KATNAL2: variants seen among roughly 807,000 people sequenced by gnomAD.
The protein encoded by KATNAL2 is katanin p60 ATPase-containing subunit A-like 2.
Under a neutral mutation model 76.3 loss-of-function variants are expected in KATNAL2, and 52 were observed. The observed-to-expected ratio is 0.68, with a 90% CI of 0.55 to 0.86. KATNAL2 has a LOEUF of 0.86. Among genes scored for constraint, KATNAL2 ranks in the 40% least tolerant of loss-of-function variants. The probability of loss-of-function intolerance (pLI) is 0.00; values close to 1 mark genes in which losing one functional copy is unlikely to be tolerated. For synonymous variants in KATNAL2, 243 were observed against 244.2 expected (o/e 1.00, Z 0.05); for missense variants, 660 against 668.9 (o/e 0.99, Z 0.15).
At chr18:46,935,009 G>T (rs1247592295) in intron 1 of KATNAL2, among the ~76,000 whole-genome samples, 5 of 152,048 alleles carry the variant, frequency 3.3e-5, no homozygotes, top group Non-Finnish European at 5.9e-5. Flanking sequence ...CTCAAAAAAT[G>T]ACCAGTATTT....
intron 15 of KATNAL2, among the ~76,000 whole-genome samples, chr18:47,097,097 CA>C (rs1261296647): frequency 8.4e-6 from 1 of 118,450 alleles, no homozygotes; most frequent in Non-Finnish European, 1.7e-5. Context: ...CCAGCCTGGG[CA>C]ACAGAGGAAG....
chr18:47,079,336 T>A (rs1291990810), intron 15 of KATNAL2, among the ~76,000 whole-genome samples: 7 of 152,186 alleles, frequency 4.6e-5, no homozygotes, highest in Admixed American at 4.6e-4. Flanking sequence ...CCAAACAAGG[T>A]TTGCACTTTG....
intron 3 of KATNAL2, chr18:47,032,684 A>T: frequency 2.4e-6 from 1 of 420,166 alleles, no homozygotes; most frequent in East Asian, 4.6e-5. Flanking sequence ...GAAAGGAAAA[A>T]GGAAATCTCA....
chr18:47,031,947 C>G (rs899875862), intron 3 of KATNAL2, among the ~76,000 whole-genome samples: 1 of 152,146 alleles, frequency 6.6e-6, no homozygotes, highest in Non-Finnish European at 1.5e-5. Flanking sequence ...CCGTGTGAGG[C>G]CAACAAATGC....
At chr18:47,083,441 G>A (rs1472016765) in intron 15 of KATNAL2, among the ~76,000 whole-genome samples, 3 of 152,128 alleles carry the variant, frequency 2.0e-5, no homozygotes, top group African/African-American at 4.8e-5. Flanking sequence ...TGCATCGTCC[G>A]GGGCACTAGG....
chr18:47,042,608 A>T (rs2060999504), intron 3 of KATNAL2, among the ~76,000 whole-genome samples: 1 of 152,194 alleles, frequency 6.6e-6, no homozygotes, highest in Admixed American at 6.5e-5. Context: ...AAGCTCCTGG[A>T]AATTAAAAAT....
At chr18:47,076,535 A>G (rs1411251383) in intron 14 of KATNAL2, 2 of 152,112 alleles carry the variant, frequency 1.3e-5, no homozygotes, top group African/African-American at 4.8e-5. Context: ...CACAACCTTC[A>G]TCGAGCTAAT....
intron 10 of KATNAL2, among the ~76,000 whole-genome samples, chr18:47,066,040 G>C (rs2061782315): frequency 6.6e-6 from 1 of 151,568 alleles, no homozygotes. Context: ...ACCTCCTATG[G>C]TGGAGGGAAC....
chr18:47,036,828 T>C (rs1049202730), intron 3 of KATNAL2, among the ~76,000 whole-genome samples: 3 of 152,250 alleles, frequency 2.0e-5, no homozygotes, highest in Non-Finnish European at 4.4e-5. Flanking sequence ...TTAAATTCAA[T>C]AAATGTCTTT....
intron 1 of KATNAL2, among the ~76,000 whole-genome samples, chr18:46,937,978 C>T (rs534808173): frequency 6.6e-6 from 1 of 152,072 alleles, no homozygotes; most frequent in Non-Finnish European, 1.5e-5. Flanking sequence ...CACCTGTAGT[C>T]CCAGCTAATT....
chr18:46,932,203 G>T (rs1227058031), intron 1 of KATNAL2, among the ~76,000 whole-genome samples: 2 of 151,914 alleles, frequency 1.3e-5, no homozygotes, highest in Admixed American at 1.3e-4. Flanking sequence ...GAGCCACCAC[G>T]CCCGTCCCAC....
At chr18:47,100,090 G>T (rs1203785334) in intron 16 of KATNAL2, among the ~76,000 whole-genome samples, 164 bp from the exon 17 acceptor site, 1 of 152,048 alleles carries the variant, frequency 6.6e-6, no homozygotes, top group Admixed American at 6.5e-5. Flanking sequence ...TGCTAGCAGG[G>T]TCTCTTCCTC....
At chr18:46,931,035 G>C (rs1476602394) in intron 1 of KATNAL2, among the ~76,000 whole-genome samples, 3 of 151,670 alleles carry the variant, frequency 2.0e-5, no homozygotes, top group Admixed American at 2.0e-4. Flanking sequence ...AGGATGCGGA[G>C]GTTTCAGTGA....
In KATNAL2 at chr18:47,101,578, A is replaced by G. The variant is rs1021666542; in HGVS notation, c.*573A>G. The G allele has an allele frequency of 6.5e-6, 1 of 154,928 alleles. No individual in the cohort carries two copies. Among genetic ancestry groups the G allele is most frequent in the Non-Finnish European group, 1.4e-5 (1 of 69,706 alleles). The allele number at this position is 154,928 out of a possible 1,614,324, so 9.6% of individuals were successfully genotyped here. On this transcript the variant is annotated 3_prime_UTR_variant, in exon 18 of 18. Coordinates refer to ENST00000683218, the MANE Select transcript of KATNAL2 (RefSeq NM_001387690.1). ...ACCCCTCCCAAACTAAGCCCCACTC[A>G]GAAATGTCACTGAGCATTCTGATGC...
chr18:46,934,398 GTGA>G (rs1302752510), intron 1 of KATNAL2, among the ~76,000 whole-genome samples: 1 of 152,238 alleles, frequency 6.6e-6, no homozygotes, highest in Non-Finnish European at 1.5e-5. Context: ...CTGATGGTCA[GTGA>G]TGATGAGCAT....
chr18:47,082,395 T>C (rs1345418822), intron 15 of KATNAL2, among the ~76,000 whole-genome samples: 1 of 152,152 alleles, frequency 6.6e-6, no homozygotes, highest in Non-Finnish European at 1.5e-5. Context: ...TCACCCCCAG[T>C]TGAGGACCAC....
intron 3 of KATNAL2, among the ~76,000 whole-genome samples, chr18:46,961,771 G>A (rs1293124615): frequency 6.6e-6 from 1 of 152,104 alleles, no homozygotes; most frequent in Non-Finnish European, 1.5e-5. Flanking sequence ...ATAGTCCAAG[G>A]CCAGTCTATT....
rs1440622661 is a variant in KATNAL2, at chr18:46,917,889, G to A, written c.-547G>A. On this transcript the variant is annotated 5_prime_UTR_variant, in exon 1 of 18. Coordinates refer to ENST00000683218, the MANE Select transcript of KATNAL2 (RefSeq NM_001387690.1). ...CCGCCGCAAATAAAACCATCCCCCA[G>A]AGTAGTTGTGGCGGAATAATCTAAA... 1 of 152,268 alleles carries A rather than the reference G, an allele frequency of 6.6e-6. No individual in the cohort carries two copies. Among genetic ancestry groups the A allele is most frequent in the African/African-American group, 2.4e-5 (1 of 41,456 alleles). The allele number at this position is 152,268 out of a possible 1,614,324, so 9.4% of individuals were successfully genotyped here.
chr18:47,035,223 C>A, intron 3 of KATNAL2: 1 of 1,612,782 alleles, frequency 6.2e-7, no homozygotes, highest in Non-Finnish European at 8.5e-7. Flanking sequence ...GACGCACCTG[C>A]AGCTTCTCCA....
Sources: gnomAD v4.1 joint callset for allele counts (sites outside exome capture counted in the v4.1 genomes callset) on GRCh38, gnomAD v4.1.1 for gene constraint, MANE v1.5 for transcripts, NCBI Gene and HGNC (gene_info 2026-07-23, HGNC 2026-07-21) for gene names.